The following BEND3 variants were observed in gnomAD, a reference collection of about 807,000 sequenced individuals.
BEND3 encodes BEN domain containing 3.
A neutral mutation model predicts 60.1 loss-of-function variants in BEND3; 13 were observed. The observed-to-expected ratio is 0.22, with a 90% CI of 0.14 to 0.34. The LOEUF is 0.34. Among genes scored for constraint, BEND3 ranks in the 10% least tolerant of loss-of-function variants. The probability of loss-of-function intolerance (pLI) is 1.00; values close to 1 mark genes in which losing one functional copy is unlikely to be tolerated. For missense variants in BEND3, 896 were observed against 1,138.1 expected, an observed-to-expected ratio of 0.79 and a Z score of 3.06; for synonymous variants, 497 against 491.5, an observed-to-expected ratio of 1.01 and a Z score of -0.15.
At chr6:107,107,171 A>G (rs1487576474) in intron 1 of BEND3, among the ~76,000 whole-genome samples, 4 of 151,582 alleles carry the variant, frequency 2.6e-5, no homozygotes, top group Admixed American at 6.6e-5. Flanking sequence ...TCCTGACCTC[A>G]GCTGATCCAC....
intron 3 of BEND3, among the ~76,000 whole-genome samples, chr6:107,084,889 G>A (rs1027596849): frequency 6.6e-6 from 1 of 152,242 alleles, no homozygotes; most frequent in Admixed American, 6.5e-5. Flanking sequence ...CCAAATAAGG[G>A]AATAAAAGCT....
intron 1 of BEND3, among the ~76,000 whole-genome samples, chr6:107,102,187 T>G (rs1182375560): frequency 6.6e-6 from 1 of 152,290 alleles, no homozygotes. Flanking sequence ...AGTCTATTTA[T>G]CTGCCATTAT....
intron 3 of BEND3, among the ~76,000 whole-genome samples, chr6:107,089,230 C>T (rs1165678207): frequency 6.6e-6 from 1 of 152,094 alleles, no homozygotes; most frequent in Non-Finnish European, 1.5e-5. Flanking sequence ...GAATGATATT[C>T]CACATTCGTG....
In BEND3 at chr6:107,111,876, G is replaced by T. The variant is rs146306974; in HGVS notation, c.-12+3214C>A. On this transcript the variant is annotated intron_variant, in intron 1 of 3. Transcript: ENST00000369042. Reference sequence around the variant, plus strand: ...ACGCACCTGTAATCCCAGTTACTTGGGAGGCTGAGGCAGGAGAATCACTTG... The same window carrying T: ...ACGCACCTGTAATCCCAGTTACTTGTGAGGCTGAGGCAGGAGAATCACTTG... Among the ~76,000 whole-genome samples the T allele has an allele frequency of 3.9e-3, 586 of 151,992 alleles. 4 individuals carry two copies. The highest frequency in any genetic ancestry group is 0.013 in the African/African-American group (555 of 41,410).
chr6:107,070,997 TTTATGAC>T lies in BEND3; in HGVS notation c.241-54_241-48del, dbSNP rs1554232000. 2.0e-6 allele frequency: 3 copies of T among 1,528,844 alleles called. No homozygotes were observed. 94.7% of individuals were successfully genotyped at this position (1,528,844 alleles called of 1,614,324 possible). A position where few individuals can be genotyped will look rare whatever the true frequency, so the allele number is the denominator to read the frequency against. ...CCAGAGTGTTAGGTGGGTGCTGTGG[TTTATGAC>T]ACTAAACAAGGGTCTGTGTAGCACA... is the stretch of plus-strand genomic sequence containing the variant. On this transcript the variant is annotated intron_variant, in intron 3 of 3. Coordinates refer to ENST00000369042, the MANE Select transcript of BEND3 (RefSeq NM_001367314.1). The surrounding 1 kb of genome is among the most constrained non-coding windows in gnomAD (Gnocchi z 6.9).
At chr6:107,074,189 G>A (rs1388821932) in intron 3 of BEND3, among the ~76,000 whole-genome samples, 1 of 152,230 alleles carries the variant, frequency 6.6e-6, no homozygotes, top group Non-Finnish European at 1.5e-5. Context: ...GCCGAGGCGG[G>A]TGGATCACTT....
In BEND3 at chr6:107,066,246, A is replaced by T. The variant is rs1774826617; in HGVS notation, c.*2458T>A. 2 of 152,236 alleles carry T rather than the reference A, an allele frequency of 1.3e-5. No homozygotes were observed. Among genetic ancestry groups the T allele is most frequent in the Non-Finnish European group, 2.9e-5 (2 of 68,042 alleles). The allele number at this position is 152,236 out of a possible 1,614,324, so 9.4% of individuals were successfully genotyped here. On this transcript the variant is annotated 3_prime_UTR_variant, in exon 4 of 4. Transcript: ENST00000369042. ...GTACTTCTATTGCTTCATGTAAAAA[A>T]TTTAAAATAAAAAAATGCCCACTGG... is the stretch of plus-strand genomic sequence containing the variant.
chr6:107,111,858 T>G (rs782571611), intron 1 of BEND3, among the ~76,000 whole-genome samples: 58 of 152,174 alleles, frequency 3.8e-4, no homozygotes, highest in Non-Finnish European at 7.5e-4. Context: ...GCCACGCACC[T>G]GTAATCCCAG....
intron 1 of BEND3, among the ~76,000 whole-genome samples, chr6:107,108,424 G>A (rs1775869007): frequency 6.6e-6 from 1 of 152,242 alleles, no homozygotes; most frequent in East Asian, 1.9e-4. Context: ...CAAGGTGGAA[G>A]GAGGGACCGC....
At chr6:107,114,242 G>C (rs997905652) in intron 1 of BEND3, 1 of 152,234 alleles carries the variant, frequency 6.6e-6, no homozygotes, top group Non-Finnish European at 1.5e-5. Flanking sequence ...TCATAGAGAA[G>C]GAAAGGAGCG....
chr6:107,088,872 C>T (rs1431178905), intron 3 of BEND3, among the ~76,000 whole-genome samples: 1 of 149,356 alleles, frequency 6.7e-6, no homozygotes, highest in Non-Finnish European at 1.5e-5. Flanking sequence ...TGAAAGATCT[C>T]GGCCAGGCGC....
intron 3 of BEND3, among the ~76,000 whole-genome samples, chr6:107,072,384 G>A (rs940303573): frequency 8.5e-5 from 13 of 152,310 alleles, no homozygotes; most frequent in African/African-American, 2.9e-4. Context: ...TGTGGCTGCT[G>A]TCTATCCTCT....
At chr6:107,094,354 G>A (rs1204719445) in intron 3 of BEND3, among the ~76,000 whole-genome samples, 1 of 152,124 alleles carries the variant, frequency 6.6e-6, no homozygotes, top group African/African-American at 2.4e-5. Flanking sequence ...CGGGCGTGGT[G>A]GCTCATGCCT....
At chr6:107,087,023 T>TAAAAAAA (rs58435912) in intron 3 of BEND3, among the ~76,000 whole-genome samples, 4 of 80,806 alleles carry the variant, frequency 5.0e-5, no homozygotes, top group African/African-American at 9.9e-5. Context: ...AGACTCTGTC[T>TAAAAAAA]AAAAAAAAAA....
chr6:107,111,090 G>A (rs560188774), intron 1 of BEND3, among the ~76,000 whole-genome samples: 22 of 152,160 alleles, frequency 1.4e-4, no homozygotes, highest in Non-Finnish European at 2.6e-4. Context: ...GCTTGAGCCC[G>A]GGAGTCAGTG....
At position 107,099,236 on chromosome 6, in the gene BEND3, A is replaced by ATT. The variant is rs71887608; in HGVS notation, c.37+11_37+12dup. On this transcript the variant is annotated intron_variant, in intron 2 of 3. Transcript: ENST00000369042. Reference sequence around the variant, plus strand: ...GTTAAAAACATTTTTCAAAAAGGGCATTTTTTTTTTACCTTCTTCTACATC... The same window carrying ATT: ...GTTAAAAACATTTTTCAAAAAGGGCATTTTTTTTTTTTACCTTCTTCTACATC... The ATT allele has an allele frequency of 2.6e-4, 391 of 1,486,650 alleles. No individual in the cohort carries two copies. The highest frequency in any genetic ancestry group is 1.2e-3 in the African/African-American group (89 of 71,554). 92.1% of individuals were successfully genotyped at this position (1,486,650 alleles called of 1,614,324 possible). A position where few individuals can be genotyped will look rare whatever the true frequency, so the allele number is the denominator to read the frequency against.
intron 3 of BEND3, among the ~76,000 whole-genome samples, chr6:107,096,721 G>A (rs185634610): frequency 1.6e-4 from 25 of 152,346 alleles, no homozygotes; most frequent in Non-Finnish European, 3.4e-4. Context: ...GGAATGAGGA[G>A]CTACTGCTAA....
At position 107,069,990 on chromosome 6, in the gene BEND3, G is replaced by C. The variant is rs1554231655; in HGVS notation, c.1201C>G (p.Leu401Val). The C allele has an allele frequency of 6.2e-7, 1 of 1,613,490 alleles. No individual in the cohort carries two copies. Among genetic ancestry groups the C allele is most frequent in the Non-Finnish European group, 8.5e-7 (1 of 1,179,968 alleles). ...VVDTQDLTEFLDEASSPGEFA... is the reference protein window; with the variant it reads ...VVDTQDLTEFVDEASSPGEFA... ...TCGCCTGGTGAGGAGGCTTCGTCCA[G>C]GAACTCAGTGAGGTCCTGCGTGTCC... Residue 401 changes from leucine to valine, a missense_variant, in exon 4 of 4, where the codon CTG becomes GTG. Leu to Val is a conservative substitution (Grantham distance 32). This residue lies in a region of BEND3 where 846 missense variants were observed against 1,036.7 expected (regional missense o/e 0.82). Coordinates refer to ENST00000369042, the MANE Select transcript of BEND3 (RefSeq NM_001367314.1).
chr6:107,110,929 C>T (rs917410596), intron 1 of BEND3, among the ~76,000 whole-genome samples: 3 of 151,856 alleles, frequency 2.0e-5, no homozygotes, highest in African/African-American at 2.4e-5. Context: ...TTTGGGAGGC[C>T]GACACAAGTA....
Sources: allele counts gnomAD v4.1 joint callset (sites outside exome capture counted in the v4.1 genomes callset), GRCh38; gene constraint gnomAD v4.1.1; regional missense constraint gnomAD v4.1.1; non-coding constraint Gnocchi (gnomAD v3.1); transcripts MANE v1.5; gene names NCBI Gene and HGNC (gene_info 2026-07-23, HGNC 2026-07-21).